Variants in SLCO1C1 observed in about 807,000 individuals in gnomAD.
SLCO1C1 encodes solute carrier organic anion transporter family member 1C1.
Under a neutral mutation model 76.4 loss-of-function variants are expected in SLCO1C1, and 70 were observed. That is an observed-to-expected ratio of 0.92 (90% CI 0.76 to 1.12). The LOEUF is 1.12. SLCO1C1 is among the 50% of genes most tolerant of loss of function. The pLI is 0.00. For synonymous variants in SLCO1C1, 306 were observed against 286.1 expected (o/e 1.07, Z -0.70); for missense variants, 912 against 823.8 (o/e 1.11, Z -1.31).
At chr12:20,723,917 T>C (rs1947803291) in intron 9 of SLCO1C1, among the ~76,000 whole-genome samples, 1 of 152,122 alleles carries the variant, frequency 6.6e-6, no homozygotes, top group Non-Finnish European at 1.5e-5. Context: ...ACTCCAGTGG[T>C]ATAAAATAAT....
Position 20,722,001 on chromosome 12 carries a change from T to C in SLCO1C1, c.973T>C (p.Tyr325His). ...SKFIIDDHTD[Y>H]QTPQGENAKI... Reference sequence around the variant, plus strand: ...GTTTATTATAGATGATCACACAGACTACCAAACACCCCAGGGAGAAAATGC... The same window carrying C: ...GTTTATTATAGATGATCACACAGACCACCAAACACCCCAGGGAGAAAATGC... Residue 325 changes from tyrosine to histidine, a missense_variant, in exon 8 of 15, where the codon TAC (tyrosine) becomes CAC (histidine). Transcript: ENST00000266509. 1 of 1,614,114 alleles carries C rather than the reference T, an allele frequency of 6.2e-7. No individual in the cohort carries two copies. Among genetic ancestry groups the C allele is most frequent in the Admixed American group, 1.7e-5 (1 of 60,030 alleles).
rs144815906 is a variant in SLCO1C1, at chr12:20,749,231, A to T, written c.1799-1444A>T. Among the ~76,000 whole-genome samples the T allele has an allele frequency of 3.7e-3, 562 of 152,344 alleles. 2 individuals are homozygous for T. The highest frequency in any genetic ancestry group is 0.013 in the African/African-American group (541 of 41,590). On this transcript the variant is annotated intron_variant, in intron 13 of 14. Transcript: ENST00000266509. ...TGAGATTATTTTGTTCAATATAAGCATACAAAGCAATTTTATAACAGAAGA... is the reference window on the plus strand; with the variant it reads ...TGAGATTATTTTGTTCAATATAAGCTTACAAAGCAATTTTATAACAGAAGA...
intron 4 of SLCO1C1, among the ~76,000 whole-genome samples, chr12:20,710,009 C>T (rs149393058): frequency 4.0e-4 from 61 of 150,838 alleles, no homozygotes; most frequent in African/African-American, 1.4e-3. Flanking sequence ...AAACCTGTAA[C>T]CCTCTTCTCT....
intron 11 of SLCO1C1, 37 bp from the exon 12 acceptor site, chr12:20,740,147 T>C (rs770924887): frequency 5.2e-6 from 8 of 1,542,006 alleles, no homozygotes; most frequent in Non-Finnish European, 7.1e-6. Flanking sequence ...ATTTAAATGT[T>C]ACTGAAATAA....
intron 12 of SLCO1C1, 50 bp from the exon 13 acceptor site, chr12:20,743,255 T>C (rs371104923): frequency 2.0e-6 from 3 of 1,515,814 alleles, no homozygotes; most frequent in African/African-American, 2.8e-5. Context: ...AATTTCTATT[T>C]GCTTTAATGG....
chr12:20,701,553 C>A, intron 3 of SLCO1C1, 94 bp downstream of exon 3: 178 of 820,798 alleles, frequency 2.2e-4, no homozygotes, highest in Middle Eastern at 4.3e-4. Flanking sequence ...CTGCTGGGAT[C>A]AGACTCTATT....
At chr12:20,703,306 A>G (rs1398422121) in intron 3 of SLCO1C1, among the ~76,000 whole-genome samples, 1 of 151,910 alleles carries the variant, frequency 6.6e-6, no homozygotes, top group Non-Finnish European at 1.5e-5. Flanking sequence ...TTGAAATTCT[A>G]TTAGTTTTAA....
intron 1 of SLCO1C1, among the ~76,000 whole-genome samples, 200 bp from the exon 2 acceptor site, chr12:20,699,352 C>G (rs899895652): frequency 6.6e-6 from 1 of 151,918 alleles, no homozygotes; most frequent in Non-Finnish European, 1.5e-5. Flanking sequence ...AGAATGCTGG[C>G]TACAGAGTTC....
At chr12:20,747,104 T>A (rs1949081045) in intron 13 of SLCO1C1, among the ~76,000 whole-genome samples, 1 of 152,194 alleles carries the variant, frequency 6.6e-6, no homozygotes, top group Non-Finnish European at 1.5e-5. Context: ...AATGACATGA[T>A]GTTTGAGATT....
rs1565541668 is a variant in SLCO1C1 at position 20,740,787 on chromosome 12, T to TATA, written c.1733+419_1733+420insATA. On this transcript the variant is annotated intron_variant, in intron 12 of 14. Transcript: ENST00000266509. ...ACAACAATGTTAGAATTTATTTTAT[T>TATA]TATATATATATATATATATATATAT... Among the ~76,000 whole-genome samples the TATA allele has an allele frequency of 7.1e-4, 53 of 75,058 alleles. 1 individual carries two copies. The highest frequency in any genetic ancestry group is 1.6e-3 in the Admixed American group (9 of 5,724). 49.2% of individuals were successfully genotyped at this position (75,058 alleles called of 152,430 possible).
At chr12:20,696,941 A>G (rs1437739948) in intron 1 of SLCO1C1, 1 of 152,074 alleles carries the variant, frequency 6.6e-6, no homozygotes. Flanking sequence ...GCTGGATCCT[A>G]TTTTGCCCTA....
chr12:20,702,793 C>G (rs1946584070), intron 3 of SLCO1C1, among the ~76,000 whole-genome samples: 1 of 151,684 alleles, frequency 6.6e-6, no homozygotes, highest in African/African-American at 2.4e-5. Context: ...AAGAATAGAG[C>G]AGATATGAGC....
Position 20,717,227 on chromosome 12 carries a change from C to G in SLCO1C1, c.772C>G (p.Leu258Val), listed in dbSNP as rs761313705. Reference sequence around the variant, plus strand: ...ATATGTTGACATTGGCTTTGTAAACCTAGGTAAGGAAGTTTATTTTTTATT... The same window carrying G: ...ATATGTTGACATTGGCTTTGTAAACGTAGGTAAGGAAGTTTATTTTTTATT... Reference protein sequence around the residue: ...KLYVDIGFVNLDHITITPKDP... With the variant: ...KLYVDIGFVNVDHITITPKDP... The change falls in exon 7 of 15, where the codon CTA becomes GTA. Residue 258 changes from leucine (L) to valine (V), a missense_variant. Leu to Val is a conservative substitution (Grantham distance 32, BLOSUM62 1). Coordinates refer to ENST00000266509, the MANE Select transcript of SLCO1C1 (RefSeq NM_017435.5). The G allele has an allele frequency of 1.3e-6, 2 of 1,579,170 alleles. No homozygotes were observed. Among genetic ancestry groups the G allele is most frequent in the African/African-American group, 2.8e-5 (2 of 71,916 alleles).
At position 20,721,935 on chromosome 12, in the gene SLCO1C1, C is replaced by T. The variant is rs769822764; in HGVS notation, c.907C>T (p.Gln303Ter). ...WYLPKSLPRS[Q>*]SREDSNSSSE... ...TTTACCAAAGAGTTTACCAAGATCC[C>T]AAAGTAGAGAGGATTCTAATTCTTC... The change falls in exon 8 of 15, where the codon CAA becomes TAA. Residue 303 changes from glutamine to a stop codon, truncating the protein, a stop_gained. Coordinates refer to ENST00000266509, the MANE Select transcript of SLCO1C1 (RefSeq NM_017435.5). LOFTEE classifies it high-confidence loss of function. 4.3e-6 allele frequency: 7 copies of T among 1,614,056 alleles called. No individual in the cohort carries two copies. Among genetic ancestry groups the T allele is most frequent in the Non-Finnish European group, 5.9e-6 (7 of 1,180,006 alleles).
rs267603409 is a variant in SLCO1C1 at position 20,711,496 on chromosome 12, C to T, written c.515C>T (p.Ser172Phe). The T allele has an allele frequency of 3.1e-6, 5 of 1,613,350 alleles. No individual in the cohort carries two copies. In the East Asian group the frequency reaches 8.9e-5, roughly 29 times the overall value. ...GTTTCAGTTATGGAAAAATCAAAAT[C>T]CAAAATAAGTAACGGTAAGATCATT... is the stretch of plus-strand genomic sequence containing the variant. Reference protein sequence around the residue: ...LPVSVMEKSKSKISNECEVDT... With the variant: ...LPVSVMEKSKFKISNECEVDT... Residue 172 changes from serine (S) to phenylalanine (F), a missense_variant, in exon 5 of 15, where the codon TCC (serine) becomes TTC (phenylalanine). Coordinates refer to ENST00000266509, the MANE Select transcript of SLCO1C1 (RefSeq NM_017435.5).
chr12:20,718,432 G>C (rs749439290), intron 7 of SLCO1C1, among the ~76,000 whole-genome samples: 9 of 152,140 alleles, frequency 5.9e-5, no homozygotes, highest in Non-Finnish European at 1.3e-4. Flanking sequence ...TTAGTCAAAT[G>C]AGAAATGATT....
Position 20,705,967 on chromosome 12 carries a change from C to T in SLCO1C1, c.290C>T (p.Thr97Ile). The T allele has an allele frequency of 6.2e-7, 1 of 1,613,138 alleles. No individual in the cohort carries two copies. The highest frequency in any genetic ancestry group is 8.5e-7 in the Non-Finnish European group (1 of 1,179,330). ...CTCAAAGGGAATCTCTTAGTTATAACATTTGTTAGCTACTTTGGAGCCAAA... is the reference window on the plus strand; with the variant it reads ...CTCAAAGGGAATCTCTTAGTTATAATATTTGTTAGCTACTTTGGAGCCAAA... The part of the protein sequence containing the change: ...SFEIGNLLVI[T>I]FVSYFGAKLH... The change falls in exon 4 of 15, where the codon ACA becomes ATA. Residue 97 changes from threonine (T) to isoleucine (I), a missense_variant. Coordinates refer to ENST00000266509, the MANE Select transcript of SLCO1C1 (RefSeq NM_017435.5).
At chr12:20,704,025 G>A (rs1004930945) in intron 3 of SLCO1C1, among the ~76,000 whole-genome samples, 2 of 149,848 alleles carry the variant, frequency 1.3e-5, no homozygotes, top group African/African-American at 4.9e-5. Context: ...GCAAGAATAT[G>A]TTACTTTAAA....
intron 6 of SLCO1C1, 91 bp from the exon 7 acceptor site, chr12:20,717,041 T>A (rs990774555): frequency 1.7e-5 from 19 of 1,130,036 alleles, no homozygotes; most frequent in South Asian, 2.8e-5. Context: ...AGCTACTGAC[T>A]GGATCACACA....
Sources: gnomAD v4.1 joint callset for allele counts (sites outside exome capture counted in the v4.1 genomes callset) on GRCh38, gnomAD v4.1.1 for gene constraint, MANE v1.5 for transcripts, NCBI Gene and HGNC (gene_info 2026-07-23, HGNC 2026-07-21) for gene names.